The following ARHGEF10L variants were observed in gnomAD, a reference collection of about 807,000 sequenced individuals.
The protein encoded by ARHGEF10L is Rho guanine nucleotide exchange factor 10 like.
ARHGEF10L carries 69 observed loss-of-function variants against 141.2 expected under a neutral mutation model. The observed-to-expected ratio is 0.49, with a 90% CI of 0.40 to 0.60. ARHGEF10L has a LOEUF of 0.60. Ranked by LOEUF, ARHGEF10L falls within the 20% of genes least tolerant of loss-of-function variation. The probability of loss-of-function intolerance (pLI) is 0.00; values close to 1 mark genes in which losing one functional copy is unlikely to be tolerated. For synonymous variants in ARHGEF10L, 711 were observed against 718.5 expected, an observed-to-expected ratio of 0.99 and a Z score of 0.17; for missense variants, 1,482 against 1,734.3, an observed-to-expected ratio of 0.85 and a Z score of 2.58.
intron 21 of ARHGEF10L, among the ~76,000 whole-genome samples, chr1:17,642,850 G>A (rs2101863133): frequency 6.6e-6 from 1 of 152,310 alleles, no homozygotes; most frequent in South Asian, 2.1e-4. Context: ...TCCATCCTGA[G>A]AAGTGCCCGA....
chr1:17,646,359 C>T (rs1053317052), intron 21 of ARHGEF10L, among the ~76,000 whole-genome samples: 5 of 152,212 alleles, frequency 3.3e-5, no homozygotes, highest in East Asian at 3.9e-4. Context: ...GTCAGATTAA[C>T]GTTCATGTCG....
chr1:17,665,150 C>T (rs1386297303), intron 26 of ARHGEF10L, among the ~76,000 whole-genome samples: 1 of 152,228 alleles, frequency 6.6e-6, no homozygotes, highest in Non-Finnish European at 1.5e-5. Context: ...CACCTGCAGT[C>T]CATCCTGGGC....
At chr1:17,559,661 C>T (rs547656154) in intron 1 of ARHGEF10L, among the ~76,000 whole-genome samples, 1 of 152,268 alleles carries the variant, frequency 6.6e-6, no homozygotes, top group Non-Finnish European at 1.5e-5. Context: ...GTCTGTAGGG[C>T]CACCTCTCTT....
chr1:17,672,639 G>T (rs983796448), intron 26 of ARHGEF10L, among the ~76,000 whole-genome samples: 3 of 152,164 alleles, frequency 2.0e-5, no homozygotes, highest in African/African-American at 7.2e-5. Context: ...AAGTTGGCAA[G>T]CAAAACTTGA....
At position 17,539,817 on chromosome 1, in the gene ARHGEF10L, G is replaced by A. The variant is rs2076648169; in HGVS notation, c.-177G>A. On this transcript the variant is annotated 5_prime_UTR_variant, in exon 1 of 29. Coordinates refer to ENST00000361221, the MANE Select transcript of ARHGEF10L (RefSeq NM_018125.4). This position sits in a 1 kb window ranked among gnomAD's most constrained non-coding sequence, Gnocchi z 6.0. Reference sequence around the variant, plus strand: ...GGCGCGGCCATTGGCTCGGGTGGCGGCGGCTGCGGCGGTGGGGGCGCCGTC... The same window carrying A: ...GGCGCGGCCATTGGCTCGGGTGGCGACGGCTGCGGCGGTGGGGGCGCCGTC... 1 of 146,966 alleles carries A rather than the reference G, an allele frequency of 6.8e-6. No individual in the cohort carries two copies. Among genetic ancestry groups the A allele is most frequent in the African/African-American group, 2.5e-5 (1 of 40,794 alleles). 9.1% of individuals were successfully genotyped at this position (146,966 alleles called of 1,614,324 possible). A position where few individuals can be genotyped will look rare whatever the true frequency, so the allele number is the denominator to read the frequency against.
At chr1:17,547,281 C>T (rs1339597941) in intron 1 of ARHGEF10L, among the ~76,000 whole-genome samples, 2 of 152,372 alleles carry the variant, frequency 1.3e-5, no homozygotes, top group Admixed American at 6.5e-5. Flanking sequence ...CACCTTCTTG[C>T]AGATACATCC....
chr1:17,533,811 C>G, the ARHGEF10L span, among the ~76,000 whole-genome samples: 14 of 152,292 alleles, frequency 9.2e-5, no homozygotes, highest in South Asian at 2.9e-3. Flanking sequence ...GACCTAGTCT[C>G]TCTTTGATAC....
chr1:17,607,531 G>T lies in ARHGEF10L; in HGVS notation c.434-271G>T, dbSNP rs758399182. 6.6e-6 allele frequency among the ~76,000 whole-genome samples: 1 copy of T among 152,332 alleles called. No homozygotes were observed. Among genetic ancestry groups the T allele is most frequent in the Middle Eastern group, 3.4e-3 (1 of 294 alleles). On this transcript the variant is annotated intron_variant, in intron 6 of 28. Transcript: ENST00000361221. This position sits in a 1 kb window ranked among gnomAD's most constrained non-coding sequence, Gnocchi z 4.5. The stretch of plus-strand genomic sequence containing the variant: ...AGCGCTGAGACCATACAAAAGCAGT[G>T]CTGGGAGCAAAAGGAAGTGAGCGGG...
intron 1 of ARHGEF10L, among the ~76,000 whole-genome samples, chr1:17,550,760 C>G (rs938402789): frequency 1.3e-5 from 2 of 152,038 alleles, no homozygotes; most frequent in Non-Finnish European, 2.9e-5. Flanking sequence ...CAGGTGTGAC[C>G]ACCCAGAGAG....
At position 17,597,008 on chromosome 1, in the gene ARHGEF10L, A is replaced by T. The variant is rs558918174; in HGVS notation, c.258-5119A>T. 1.8e-3 allele frequency among the ~76,000 whole-genome samples: 281 copies of T among 152,336 alleles called. 1 individual carries two copies. The highest frequency in any genetic ancestry group is 1.6e-3 in the Non-Finnish European group (112 of 68,030). ...AAAGGTGCTTGGAGCTCTGTGGACCAGAAACGCACCAGGTGGCCTTCTGGT... is the reference window on the plus strand; with the variant it reads ...AAAGGTGCTTGGAGCTCTGTGGACCTGAAACGCACCAGGTGGCCTTCTGGT... On this transcript the variant is annotated intron_variant, in intron 4 of 28. Transcript: ENST00000361221.
chr1:17,555,867 C>T (rs960536066), intron 1 of ARHGEF10L, among the ~76,000 whole-genome samples: 5 of 152,002 alleles, frequency 3.3e-5, no homozygotes, highest in Admixed American at 6.6e-5. Context: ...AGGTCAGGCT[C>T]CTGTAATTGG....
chr1:17,648,468 G>T, intron 21 of ARHGEF10L, 86 bp from the exon 22 acceptor site: 1 of 1,541,036 alleles, frequency 6.5e-7, no homozygotes, highest in Non-Finnish European at 8.8e-7. Flanking sequence ...GCCTGCAGTG[G>T]CTCCCTGGGG....
At chr1:17,678,876 C>A (rs2063894848) in intron 26 of ARHGEF10L, among the ~76,000 whole-genome samples, 1 of 152,098 alleles carries the variant, frequency 6.6e-6, no homozygotes, top group Admixed American at 6.5e-5. Flanking sequence ...AACAAGTAGG[C>A]CTTACTGTAG....
chr1:17,642,113 T>A (rs1027596434), intron 21 of ARHGEF10L, among the ~76,000 whole-genome samples: 3 of 152,098 alleles, frequency 2.0e-5, no homozygotes, highest in Non-Finnish European at 4.4e-5. Flanking sequence ...AACAGAGAGA[T>A]CTCTGCTCTC....
chr1:17,631,160 G>A (rs756435424), intron 15 of ARHGEF10L, among the ~76,000 whole-genome samples: 70 of 152,248 alleles, frequency 4.6e-4, no homozygotes, highest in East Asian at 1.2e-3. Context: ...GGAGGCTCGG[G>A]GTGATCTGTC....
chr1:17,638,782 T>C, intron 20 of ARHGEF10L, 93 bp downstream of exon 20: 2 of 1,547,422 alleles, frequency 1.3e-6, no homozygotes, highest in Non-Finnish European at 8.7e-7. Flanking sequence ...AGCCCTCTTA[T>C]TTGTCGAGAT....
chr1:17,525,604 A>G, the ARHGEF10L span, among the ~76,000 whole-genome samples: 1 of 152,200 alleles, frequency 6.6e-6, no homozygotes, highest in African/African-American at 2.4e-5. Context: ...GGCTGCAGTG[A>G]GCTGTGATGA....
chr1:17,640,621 G>A (rs758946746), intron 21 of ARHGEF10L, among the ~76,000 whole-genome samples: 22 of 152,180 alleles, frequency 1.4e-4, no homozygotes, highest in Non-Finnish European at 2.6e-4. Context: ...GACTGCTAGG[G>A]GTTTTGGTGG....
Position 17,573,331 on chromosome 1 carries a change from C to T in ARHGEF10L, c.-43-7222C>T, listed in dbSNP as rs1386847678. ...GTGGGGAAGCTGAGGCTCTGATGGG[C>T]GAGTTGATGGCACACAGTATGTGTC... On this transcript the variant is annotated intron_variant, in intron 1 of 28. Transcript: ENST00000361221. This position sits in a 1 kb window ranked among gnomAD's most constrained non-coding sequence, Gnocchi z 4.8. Among the ~76,000 whole-genome samples the T allele has an allele frequency of 2.0e-5, 3 of 152,278 alleles. No homozygotes were observed. The highest frequency in any genetic ancestry group is 2.9e-5 in the Non-Finnish European group (2 of 68,028).
Sources: allele counts gnomAD v4.1 joint callset (sites outside exome capture counted in the v4.1 genomes callset), GRCh38; gene constraint gnomAD v4.1.1; non-coding constraint Gnocchi (gnomAD v3.1); transcripts MANE v1.5; gene names NCBI Gene and HGNC (gene_info 2026-07-23, HGNC 2026-07-21).